Variants in TNRC6B observed in about 807,000 individuals in gnomAD.
TNRC6B encodes the protein trinucleotide repeat containing adaptor 6B, also known as trinucleotide repeat-containing gene 6B protein.
In TNRC6B, 52 loss-of-function variants were observed where a neutral mutation model predicts 203.6. That is an observed-to-expected ratio of 0.26 (90% CI 0.20 to 0.32). The LOEUF (loss-of-function observed/expected upper bound fraction) is 0.32. TNRC6B is among the 10% of genes least tolerant of loss of function. TNRC6B has a pLI of 1.00. For synonymous variants in TNRC6B, 838 were observed against 845.7 expected (o/e 0.99, Z 0.16); for missense variants, 1,923 against 2,286.2 (o/e 0.84, Z 3.24).
At chr22:40,120,804 T>C (rs141153262) in intron 2 of TNRC6B, among the ~76,000 whole-genome samples, 7 of 152,242 alleles carry the variant, frequency 4.6e-5, no homozygotes, top group Non-Finnish European at 2.9e-5. Context: ...CTGGCTTAAA[T>C]CTAAGGGCAA....
At chr22:40,303,819 G>A (rs1569062147) in intron 15 of TNRC6B, among the ~76,000 whole-genome samples, 1 of 152,216 alleles carries the variant, frequency 6.6e-6, no homozygotes, top group Non-Finnish European at 1.5e-5. Flanking sequence ...GCTGAAGCAG[G>A]AAAATAGCTT....
intron 11 of TNRC6B, among the ~76,000 whole-genome samples, chr22:40,283,031 T>TATTC (rs905350466): frequency 6.6e-6 from 1 of 151,890 alleles, no homozygotes; most frequent in African/African-American, 2.4e-5. Flanking sequence ...TTTTATTTTT[T>TATTC]ATTTATTTAT....
chr22:40,129,970 G>C (rs1205020392), intron 3 of TNRC6B, among the ~76,000 whole-genome samples: 1 of 152,080 alleles, frequency 6.6e-6, no homozygotes. Context: ...TGGAGTAGGA[G>C]GTGCAGAAAC....
At chr22:40,096,904 A>AG (rs1340472480) in intron 1 of TNRC6B, among the ~76,000 whole-genome samples, 1 of 152,230 alleles carries the variant, frequency 6.6e-6, no homozygotes, top group Non-Finnish European at 1.5e-5. Flanking sequence ...GGAATGTAGT[A>AG]GCAGTGTGCT....
rs376514471 is a variant in TNRC6B at position 40,235,427 on chromosome 22, G to A, written c.6-10588G>A. On this transcript the variant is annotated intron_variant, in intron 1 of 22. Transcript: ENST00000454349. ...ATTGCTGTTACAGGGGTAGGCTCCAGGACCACGTCATCCCTACAACGCTCT... is the reference window on the plus strand; with the variant it reads ...ATTGCTGTTACAGGGGTAGGCTCCAAGACCACGTCATCCCTACAACGCTCT... Among the ~76,000 whole-genome samples the A allele has an allele frequency of 7.2e-5, 11 of 152,266 alleles. No individual in the cohort carries two copies. The South Asian group carries it at 2.3e-3, about 32-fold the overall frequency.
At chr22:40,155,340 G>A (rs953169509) in intron 3 of TNRC6B, among the ~76,000 whole-genome samples, 2 of 152,158 alleles carry the variant, frequency 1.3e-5, no homozygotes, top group African/African-American at 4.8e-5. Context: ...CCAGGCTGGA[G>A]TACAGTGGCG....
At chr22:40,180,659 A>T (rs2069119114) in intron 1 of TNRC6B, among the ~76,000 whole-genome samples, 1 of 152,212 alleles carries the variant, frequency 6.6e-6, no homozygotes, top group South Asian at 2.1e-4. Flanking sequence ...ATGAGTAATC[A>T]ATTAAGTGTG....
At chr22:40,191,237 C>A (rs2069268117) in intron 1 of TNRC6B, among the ~76,000 whole-genome samples, 1 of 151,962 alleles carries the variant, frequency 6.6e-6, no homozygotes, top group Admixed American at 6.6e-5. Flanking sequence ...TCTTGTGTGC[C>A]CCAGTTTTCT....
intron 1 of TNRC6B, among the ~76,000 whole-genome samples, chr22:40,195,796 G>A (rs149489224): frequency 2.0e-5 from 3 of 152,236 alleles, no homozygotes; most frequent in African/African-American, 4.8e-5. Flanking sequence ...TTGAGACGGA[G>A]TCTCGCTCTG....
At chr22:40,292,281 A>G (rs887223885) in intron 12 of TNRC6B, among the ~76,000 whole-genome samples, 4 of 149,254 alleles carry the variant, frequency 2.7e-5, no homozygotes, top group African/African-American at 7.4e-5. Flanking sequence ...TGAACCCAGG[A>G]GGTGGAGGTT....
intron 1 of TNRC6B, among the ~76,000 whole-genome samples, chr22:40,075,156 A>ATATTTTTTTTTTTTTTTTTTTT: frequency 1.4e-4 from 5 of 35,560 alleles, no homozygotes; most frequent in Admixed American, 4.9e-4. Context: ...ATATATATAT[A>ATATTTTTTTTTTTTTTTTTTTT]TTTTTTTTTT....
chr22:40,084,449 G>C (rs1214678901), intron 1 of TNRC6B, among the ~76,000 whole-genome samples: 1 of 152,170 alleles, frequency 6.6e-6, no homozygotes, highest in Admixed American at 6.5e-5. Flanking sequence ...GAAGGTTAAA[G>C]GTATGTTAAC....
chr22:40,063,449 A>C (rs2067871019), intron 1 of TNRC6B, among the ~76,000 whole-genome samples: 1 of 152,224 alleles, frequency 6.6e-6, no homozygotes, highest in Non-Finnish European at 1.5e-5. Flanking sequence ...CTCCATTTCT[A>C]CAAGGAAGTC....
At chr22:40,321,301 C>T (rs1601522841) in intron 22 of TNRC6B, 72 bp downstream of exon 22, 2 of 1,545,862 alleles carry the variant, frequency 1.3e-6, no homozygotes, top group African/African-American at 2.7e-5. Flanking sequence ...CTGGCAGCTG[C>T]TGAATTAAAG....
At chr22:40,308,273 G>A (rs796785717) in intron 15 of TNRC6B, among the ~76,000 whole-genome samples, 7 of 152,356 alleles carry the variant, frequency 4.6e-5, no homozygotes, top group African/African-American at 1.7e-4. Flanking sequence ...GTGCAGGAAT[G>A]CACTGAGACA....
At chr22:40,162,153 A>G (rs538044850) in intron 4 of TNRC6B, among the ~76,000 whole-genome samples, 7 of 152,238 alleles carry the variant, frequency 4.6e-5, no homozygotes, top group South Asian at 2.1e-4. Context: ...CTGGAGTGCA[A>G]TGGCGCAATC....
intron 1 of TNRC6B, among the ~76,000 whole-genome samples, chr22:40,104,826 C>T (rs1369416078): frequency 2.6e-5 from 4 of 152,120 alleles, no homozygotes; most frequent in African/African-American, 9.7e-5. Context: ...AACCCCTTAC[C>T]CTGTTTTACA....
chr22:40,047,303 C>T (rs897185335), intron 1 of TNRC6B, among the ~76,000 whole-genome samples: 4 of 152,112 alleles, frequency 2.6e-5, no homozygotes, highest in Admixed American at 2.6e-4. Context: ...CCATACCTAA[C>T]TTAAGAATTT....
intron 12 of TNRC6B, among the ~76,000 whole-genome samples, chr22:40,299,545 T>G (rs1424385693): frequency 6.6e-6 from 1 of 152,108 alleles, no homozygotes; most frequent in Non-Finnish European, 1.5e-5. Context: ...AGCTCTAAAG[T>G]CTTTTTTTAA....
Sources: allele counts gnomAD v4.1 joint callset (sites outside exome capture counted in the v4.1 genomes callset), GRCh38; gene constraint gnomAD v4.1.1; transcripts MANE v1.5; gene names NCBI Gene and HGNC (gene_info 2026-07-23, HGNC 2026-07-21).